Variants in ERICH3 observed in about 807,000 individuals in gnomAD.
The protein encoded by ERICH3 is glutamate-rich protein 3.
Under a neutral mutation model 131.1 loss-of-function variants are expected in ERICH3, and 126 were observed. That is an observed-to-expected ratio of 0.96 (90% CI 0.83 to 1.11). The LOEUF is 1.11. ERICH3 is among the 50% of genes most tolerant of loss of function. ERICH3 has a pLI of 0.00. For synonymous variants in ERICH3, 695 were observed against 644.6 expected, an observed-to-expected ratio of 1.08 and a Z score of -1.18; for missense variants, 2,050 against 1,810.7, an observed-to-expected ratio of 1.13 and a Z score of -2.40.
chr1:74,647,540 C>T (rs770962995), intron 2 of ERICH3, among the ~76,000 whole-genome samples: 18 of 152,008 alleles, frequency 1.2e-4, no homozygotes, highest in Non-Finnish European at 2.1e-4. Context: ...GTCCTAGGAA[C>T]GGCCATTTTT....
rs985758369 is a variant in ERICH3 at position 74,637,299 on chromosome 1, C to A, written c.445-861G>T. Among the ~76,000 whole-genome samples the A allele has an allele frequency of 2.6e-5, 4 of 152,228 alleles. No individual in the cohort carries two copies. The East Asian group carries it at 7.8e-4, about 30-fold the overall frequency. ...AGTCCACAGCTTCTACTGGGAAGCCCTCTCCCAGCTACAGGTACTAGCAGC... is the reference window on the plus strand; with the variant it reads ...AGTCCACAGCTTCTACTGGGAAGCCATCTCCCAGCTACAGGTACTAGCAGC... On this transcript the variant is annotated intron_variant, in intron 5 of 14. Coordinates refer to ENST00000326665, the MANE Select transcript of ERICH3 (RefSeq NM_001002912.5).
At chr1:74,593,498 T>C (rs1243104521) in intron 11 of ERICH3, among the ~76,000 whole-genome samples, 3 of 152,160 alleles carry the variant, frequency 2.0e-5, no homozygotes, top group Admixed American at 2.0e-4. Flanking sequence ...TTGTAGAAAT[T>C]ACATGAGAAA....
rs750136728 is a variant in ERICH3 at position 74,646,707 on chromosome 1, C to A, written c.203G>T (p.Cys68Phe). 1.4e-6 allele frequency: 2 copies of A among 1,479,118 alleles called. No homozygotes were observed. Among genetic ancestry groups the A allele is most frequent in the Admixed American group, 2.0e-5 (1 of 49,530 alleles). 91.6% of individuals were successfully genotyped at this position (1,479,118 alleles called of 1,614,324 possible). A position where few individuals can be genotyped will look rare whatever the true frequency, so the allele number is the denominator to read the frequency against. ...TTTATGAAAAATTGCCTGGGCTAAG[C>A]ATTCCCGGATATATTTTTGATGATC... The part of the protein sequence containing the change: ...KRDHQKYIRE[C>F]LAQAIFHKVL... The change falls in exon 3 of 15, where the codon TGC (cysteine) becomes TTC (phenylalanine). Residue 68 changes from cysteine (C) to phenylalanine (F), a missense_variant. By Grantham distance (205) the Cys-to-Phe change is radical. Transcript: ENST00000326665.
At chr1:74,616,140 T>C (rs1648952800) in intron 8 of ERICH3, among the ~76,000 whole-genome samples, 1 of 152,094 alleles carries the variant, frequency 6.6e-6, no homozygotes, top group Non-Finnish European at 1.5e-5. Context: ...TAGCTGGGAT[T>C]ACAGGCACAC....
In ERICH3 at chr1:74,620,221, G is replaced by A. The variant is rs61675835; in HGVS notation, c.1000+513C>T. ...TAAACATTATCCTATGCTGACAAACGTGGATTTATGATCAAATGAAAGCAA... is the reference window on the plus strand; with the variant it reads ...TAAACATTATCCTATGCTGACAAACATGGATTTATGATCAAATGAAAGCAA... On this transcript the variant is annotated intron_variant, in intron 8 of 14. Transcript: ENST00000326665. 7.4e-3 allele frequency among the ~76,000 whole-genome samples: 1,132 copies of A among 152,216 alleles called. 15 individuals are homozygous for A. Among genetic ancestry groups the A allele is most frequent in the African/African-American group, 0.025 (1,045 of 41,524 alleles).
chr1:74,615,576 T>A (rs1160976615), intron 8 of ERICH3, among the ~76,000 whole-genome samples: 1 of 152,140 alleles, frequency 6.6e-6, no homozygotes, highest in Non-Finnish European at 1.5e-5. Context: ...CAAAAAGATA[T>A]CATTAAACAG....
chr1:74,601,888 C>T lies in ERICH3; in HGVS notation c.1490-1957G>A, dbSNP rs139051527. 2.8e-4 allele frequency among the ~76,000 whole-genome samples: 42 copies of T among 151,926 alleles called. No individual in the cohort carries two copies. The East Asian group carries it at 3.1e-3, about 11-fold the overall frequency. ...TCCATCTGTAACATGGGTAATACAA[C>T]GCTATGGTGAGTATTGAGAACAATA... On this transcript the variant is annotated intron_variant, in intron 10 of 14. Transcript: ENST00000326665.
chr1:74,589,410 G>T (rs1647478887), intron 12 of ERICH3: 1 of 568,310 alleles, frequency 1.8e-6, no homozygotes, highest in Admixed American at 3.2e-5. Flanking sequence ...TAGGAAACAG[G>T]CTGGATAGAA....
intron 8 of ERICH3, among the ~76,000 whole-genome samples, chr1:74,617,481 G>A (rs2100605417): frequency 6.6e-6 from 1 of 152,202 alleles, no homozygotes; most frequent in East Asian, 1.9e-4. Context: ...TAAAAATATG[G>A]TATATCCATG....
chr1:74,619,777 T>C (rs17097887), intron 8 of ERICH3, among the ~76,000 whole-genome samples: 5,267 of 152,324 alleles, frequency 0.035, 299 homozygotes, highest in African/African-American at 0.12. Flanking sequence ...GTTTCTGACA[T>C]CATTGAGCAT....
At chr1:74,664,373 T>C (rs1646669918) in intron 1 of ERICH3, among the ~76,000 whole-genome samples, 1 of 151,752 alleles carries the variant, frequency 6.6e-6, no homozygotes, top group Non-Finnish European at 1.5e-5. Flanking sequence ...AACTCTATTA[T>C]TCTAATTTAC....
chr1:74,583,848 T>A (rs1202772296), intron 12 of ERICH3, among the ~76,000 whole-genome samples: 2 of 152,172 alleles, frequency 1.3e-5, no homozygotes, highest in East Asian at 3.8e-4. Context: ...CTCAATGACA[T>A]CTAATTCATT....
rs1648420603 is a variant in ERICH3 at position 74,606,846 on chromosome 1, T to C, written c.1244A>G (p.Glu415Gly). The change falls in exon 10 of 15, where the codon GAA becomes GGA. Residue 415 changes from glutamate (E) to glycine (G), a missense_variant. Coordinates refer to ENST00000326665, the MANE Select transcript of ERICH3 (RefSeq NM_001002912.5). Reference protein sequence around the residue: ...KKPSLPKSRKEKSTEKGEELK... With the variant: ...KKPSLPKSRKGKSTEKGEELK... ...TTCCTCTCCTTTCTCAGTGCTCTTT[T>C]CTTTCCTAGATTTCGGCAAAGACGG... 5 of 1,612,674 alleles carry C rather than the reference T, an allele frequency of 3.1e-6. No individual in the cohort carries two copies. The highest frequency in any genetic ancestry group is 1.3e-5 in the African/African-American group (1 of 74,764).
chr1:74,606,545 C>T (rs1648399910), intron 10 of ERICH3, 56 bp downstream of exon 10: 1 of 1,511,132 alleles, frequency 6.6e-7, no homozygotes, highest in African/African-American at 1.4e-5. Context: ...CATCACATTT[C>T]AAAGACAAAC....
At chr1:74,658,510 G>A (rs891483831) in intron 1 of ERICH3, among the ~76,000 whole-genome samples, 5 of 151,984 alleles carry the variant, frequency 3.3e-5, no homozygotes, top group Non-Finnish European at 5.9e-5. Flanking sequence ...ACACCTAGTA[G>A]GTGGGTTCTG....
chr1:74,598,652 T>C (rs920590863), intron 11 of ERICH3, among the ~76,000 whole-genome samples: 14 of 151,822 alleles, frequency 9.2e-5, no homozygotes, highest in Admixed American at 8.6e-4. Flanking sequence ...GGACAATGAA[T>C]ATAAGGAAAG....
chr1:74,646,993 G>GA (rs1437010714), intron 2 of ERICH3, among the ~76,000 whole-genome samples: 2 of 150,558 alleles, frequency 1.3e-5, no homozygotes, highest in Non-Finnish European at 3.0e-5. Flanking sequence ...CGAGAGGGGA[G>GA]AAAGAGGGAG....
Position 74,612,737 on chromosome 1 carries a change from T to G in ERICH3, c.1073A>C (p.Gln358Pro). 1 of 1,603,782 alleles carries G rather than the reference T, an allele frequency of 6.2e-7. No individual in the cohort carries two copies. The highest frequency in any genetic ancestry group is 8.5e-7 in the Non-Finnish European group (1 of 1,172,064). Residue 358 changes from glutamine (Q) to proline (P), a missense_variant, in exon 9 of 15, where the codon CAG (glutamine) becomes CCG (proline). Coordinates refer to ENST00000326665, the MANE Select transcript of ERICH3 (RefSeq NM_001002912.5). ...FSLTFFLNGM[Q>P]VNRLSSCCEY... ...ACAACAGGAGCTTAACCTGTTCACC[T>G]GCATCCCATTCAGGAAAAAGGTGAG...
At position 74,622,848 on chromosome 1, in the gene ERICH3, A is replaced by C. The variant is rs138678810; in HGVS notation, c.820-1934T>G. Reference sequence around the variant, plus strand: ...TCTTATTCATATTTCTTTCTGCTAAAGCTTATTTCTGATGGTAAAATCTCT... The same window carrying C: ...TCTTATTCATATTTCTTTCTGCTAACGCTTATTTCTGATGGTAAAATCTCT... On this transcript the variant is annotated intron_variant, in intron 7 of 14. Coordinates refer to ENST00000326665, the MANE Select transcript of ERICH3 (RefSeq NM_001002912.5). 562 of 152,290 alleles carry C rather than the reference A, an allele frequency of 3.7e-3. 4 individuals are homozygous for C. The highest frequency in any genetic ancestry group is 0.013 in the African/African-American group (532 of 41,580). The allele number at this position is 152,290 out of a possible 1,614,324, so 9.4% of individuals were successfully genotyped here. A position where few individuals can be genotyped will look rare whatever the true frequency, so the allele number is the denominator to read the frequency against.
Sources: allele counts gnomAD v4.1 joint callset (sites outside exome capture counted in the v4.1 genomes callset), GRCh38; gene constraint gnomAD v4.1.1; transcripts MANE v1.5; gene names NCBI Gene and HGNC (gene_info 2026-07-23, HGNC 2026-07-21).